NRXN1: variants seen among roughly 807,000 people sequenced by gnomAD.
NRXN1 encodes the protein neurexin-1.
A neutral mutation model predicts 150.9 loss-of-function variants in NRXN1; 39 were observed. The observed-to-expected ratio is 0.26, with a 90% CI of 0.20 to 0.34. The LOEUF (loss-of-function observed/expected upper bound fraction) is 0.34. Among genes scored for constraint, NRXN1 ranks in the 10% least tolerant of loss-of-function variants. The pLI is 1.00. For synonymous variants in NRXN1, 924 were observed against 757.0 expected (o/e 1.22, Z -3.62); for missense variants, 1,815 against 1,949.9 (o/e 0.93, Z 1.30).
At chr2:49,987,272 A>C (rs1230579234) in intron 21 of NRXN1, among the ~76,000 whole-genome samples, 1 of 152,038 alleles carries the variant, frequency 6.6e-6, no homozygotes, top group Admixed American at 6.6e-5. Flanking sequence ...ATGCAGTAAA[A>C]TTTTAGTATT....
chr2:50,487,676 G>A (rs1003058380), intron 15 of NRXN1, among the ~76,000 whole-genome samples: 129 of 152,168 alleles, frequency 8.5e-4, no homozygotes, highest in African/African-American at 3.0e-3. Flanking sequence ...ATGGAAGCTG[G>A]CTTTCTTCTG....
chr2:50,261,362 A>T (rs926537832), intron 17 of NRXN1, among the ~76,000 whole-genome samples: 2 of 151,822 alleles, frequency 1.3e-5, no homozygotes, highest in African/African-American at 4.8e-5. Flanking sequence ...ACGCTCAGAG[A>T]GATTCATTTT....
At chr2:50,136,166 A>G (rs1706373282) in intron 18 of NRXN1, among the ~76,000 whole-genome samples, 1 of 152,216 alleles carries the variant, frequency 6.6e-6, no homozygotes, top group Non-Finnish European at 1.5e-5. Flanking sequence ...AATTTATTTA[A>G]TTGTGGAAAT....
chr2:51,006,382 C>A (rs1335941600), intron 2 of NRXN1, among the ~76,000 whole-genome samples: 1 of 144,600 alleles, frequency 6.9e-6, no homozygotes, highest in African/African-American at 2.5e-5. Context: ...ACATCACATA[C>A]CGGGGACTGT....
At chr2:50,725,663 T>C (rs1341213247) in intron 5 of NRXN1, among the ~76,000 whole-genome samples, 1 of 152,134 alleles carries the variant, frequency 6.6e-6, no homozygotes, top group Non-Finnish European at 1.5e-5. Context: ...CAACAGCCAA[T>C]CTGAGGTTAT....
chr2:50,608,449 T>G (rs1353666782), intron 8 of NRXN1, among the ~76,000 whole-genome samples: 1 of 152,152 alleles, frequency 6.6e-6, no homozygotes, highest in Non-Finnish European at 1.5e-5. Context: ...CCACAGCTTG[T>G]TTAGTAAATC....
At chr2:50,360,588 T>A (rs368918277) in intron 17 of NRXN1, among the ~76,000 whole-genome samples, 2 of 152,186 alleles carry the variant, frequency 1.3e-5, no homozygotes, top group Non-Finnish European at 2.9e-5. Flanking sequence ...ATGCACCCAA[T>A]ACAAGAGCAC....
intron 15 of NRXN1, among the ~76,000 whole-genome samples, chr2:50,491,886 C>T (rs535442236): frequency 1.1e-4 from 17 of 152,220 alleles, no homozygotes; most frequent in African/African-American, 2.9e-4. Flanking sequence ...AATTCTTCCT[C>T]CCTATTTTTT....
In NRXN1 at chr2:50,842,241, T is replaced by C. The variant is rs530188443; in HGVS notation, c.832+79628A>G. On this transcript the variant is annotated intron_variant, in intron 5 of 22. Transcript: ENST00000401669. ...CCCCTTCAAATGGCTTTTCTATTAC[T>C]ATTTAAGGTCTGATTTAGATCACAG... is the stretch of plus-strand genomic sequence containing the variant. 5.9e-5 allele frequency among the ~76,000 whole-genome samples: 9 copies of C among 152,314 alleles called. No homozygotes were observed. The South Asian group carries it at 1.4e-3, about 25-fold the overall frequency.
intron 18 of NRXN1, among the ~76,000 whole-genome samples, chr2:50,219,608 C>G (rs2063654978): frequency 6.6e-6 from 1 of 151,390 alleles, no homozygotes; most frequent in Non-Finnish European, 1.5e-5. Flanking sequence ...ATTCTTAGGT[C>G]AAATACAGTG....
chr2:50,746,271 A>G (rs1373922055), intron 5 of NRXN1, among the ~76,000 whole-genome samples: 1 of 152,070 alleles, frequency 6.6e-6, no homozygotes, highest in Non-Finnish European at 1.5e-5. Context: ...CAATGAAAAG[A>G]TGAGGGATGG....
At chr2:49,976,189 A>T (rs954427038) in intron 21 of NRXN1, among the ~76,000 whole-genome samples, 5 of 142,856 alleles carry the variant, frequency 3.5e-5, no homozygotes, top group Non-Finnish European at 7.6e-5. Context: ...CGCCCAGCTA[A>T]TTTTTTTTTT....
intron 2 of NRXN1, among the ~76,000 whole-genome samples, chr2:51,023,572 T>C (rs1246742213): frequency 6.6e-6 from 1 of 152,226 alleles, no homozygotes; most frequent in Non-Finnish European, 1.5e-5. Context: ...ATTTTAAGTT[T>C]TCATAGTATC....
intron 10 of NRXN1, 138 bp downstream of exon 10, chr2:50,538,115 G>A (rs778000046): frequency 2.2e-6 from 2 of 901,794 alleles, no homozygotes; most frequent in South Asian, 2.1e-5. Context: ...TCCATGTCAG[G>A]TATGGCTGCT....
chr2:50,983,606 T>C (rs1697188045), intron 2 of NRXN1, among the ~76,000 whole-genome samples: 1 of 152,144 alleles, frequency 6.6e-6, no homozygotes, highest in Admixed American at 6.6e-5. Context: ...AGGGAAAGGC[T>C]TCACATTTAT....
intron 12 of NRXN1, among the ~76,000 whole-genome samples, chr2:50,515,531 A>C (rs549537200): frequency 6.6e-6 from 1 of 152,048 alleles, no homozygotes. Flanking sequence ...CTACTTATAA[A>C]ATCTAGGATA....
At chr2:50,093,594 A>C (rs1224868793) in intron 18 of NRXN1, among the ~76,000 whole-genome samples, 1 of 152,120 alleles carries the variant, frequency 6.6e-6, no homozygotes, top group Non-Finnish European at 1.5e-5. Context: ...ATGACTGTGC[A>C]CTGAACTCCT....
chr2:50,499,119 T>G (rs2091807730), intron 13 of NRXN1, among the ~76,000 whole-genome samples: 1 of 152,180 alleles, frequency 6.6e-6, no homozygotes. Flanking sequence ...TATCTGTAAG[T>G]AAAATTTAGA....
At chr2:50,842,878 C>T (rs779638432) in intron 5 of NRXN1, among the ~76,000 whole-genome samples, 7 of 152,120 alleles carry the variant, frequency 4.6e-5, no homozygotes, top group African/African-American at 1.7e-4. Flanking sequence ...GTTTTTTAGA[C>T]ACTGTAATTG....
Sources: allele counts gnomAD v4.1 joint callset (sites outside exome capture counted in the v4.1 genomes callset), GRCh38; gene constraint gnomAD v4.1.1; transcripts MANE v1.5; gene names NCBI Gene and HGNC (gene_info 2026-07-23, HGNC 2026-07-21).